Variants in ABI3BP observed in about 807,000 individuals in gnomAD.
ABI3BP encodes the protein ABI family member 3 binding protein.
Under a neutral mutation model 268.6 loss-of-function variants are expected in ABI3BP, and 216 were observed. That is an observed-to-expected ratio of 0.80 (90% CI 0.72 to 0.90). The LOEUF is 0.90. Among genes scored for constraint, ABI3BP ranks in the 40% least tolerant of loss-of-function variants. The probability of loss-of-function intolerance (pLI) is 0.00; values close to 1 mark genes in which losing one functional copy is unlikely to be tolerated. For missense variants in ABI3BP, 2,090 were observed against 2,182.4 expected (o/e 0.96, Z 0.84); for synonymous variants, 730 against 730.0 (o/e 1.00, Z 0.00).
At chr3:100,838,113 A>G (rs73135590) in intron 26 of ABI3BP, 97 bp downstream of exon 26, 115,419 of 1,325,612 alleles carry the variant, frequency 0.087, 5,785 homozygotes, top group East Asian at 0.18. Context: ...TGGTATTTGG[A>G]TTTCTATGAT....
intron 19 of ABI3BP, 97 bp downstream of exon 19, chr3:100,847,505 T>A: frequency 9.6e-7 from 1 of 1,041,902 alleles, no homozygotes; most frequent in Non-Finnish European, 1.5e-6. Context: ...CCGTTTTGAG[T>A]ATCTTAACAG....
chr3:100,968,802 C>T (rs546162204), intron 1 of ABI3BP, among the ~76,000 whole-genome samples: 115 of 152,240 alleles, frequency 7.6e-4, no homozygotes, highest in African/African-American at 2.6e-3. Flanking sequence ...AACCCGTCAT[C>T]TGCATTAAGT....
chr3:100,879,296 CATT>C (rs2099200919), intron 6 of ABI3BP, among the ~76,000 whole-genome samples: 1 of 152,208 alleles, frequency 6.6e-6, no homozygotes, highest in African/African-American at 2.4e-5. Flanking sequence ...AAGAGAGCCA[CATT>C]ATTTTTCTAG....
intron 1 of ABI3BP, among the ~76,000 whole-genome samples, chr3:100,972,334 T>G (rs2084009780): frequency 6.6e-6 from 1 of 152,184 alleles, no homozygotes; most frequent in Non-Finnish European, 1.5e-5. Flanking sequence ...AAAGTACTTT[T>G]AAGATGTGAA....
chr3:100,833,892 C>T (rs570929552), intron 29 of ABI3BP, among the ~76,000 whole-genome samples: 1 of 152,310 alleles, frequency 6.6e-6, no homozygotes, highest in South Asian at 2.1e-4. Context: ...TCCTATCCTT[C>T]CAATGTCACC....
At chr3:100,965,506 CAA>C (rs10576624) in intron 1 of ABI3BP, among the ~76,000 whole-genome samples, 39,318 of 146,594 alleles carry the variant, frequency 0.27, 5,478 homozygotes, top group Middle Eastern at 0.4. Context: ...CTGAATAAAA[CAA>C]AAAAAAAAAA....
Position 100,808,220 on chromosome 3 carries a change from G to C in ABI3BP, c.3623C>G (p.Pro1208Arg). Reference protein sequence around the residue: ...PQTEPAPKQTPRAPPKPKTSP... With the variant: ...PQTEPAPKQTRRAPPKPKTSP... Reference sequence around the variant, plus strand: ...TGTTTTTGGCTTAGGAGGAGCACGTGGTGTCTGCTTGGGAGCTAAAAGAAA... The same window carrying C: ...TGTTTTTGGCTTAGGAGGAGCACGTCGTGTCTGCTTGGGAGCTAAAAGAAA... The change falls in exon 50 of 68, where the codon CCA (proline) becomes CGA (arginine). Residue 1208 changes from proline to arginine, a missense_variant. Physicochemically the swap from Pro to Arg is moderately radical, Grantham distance 103. Coordinates refer to ENST00000471714, the MANE Select transcript of ABI3BP (RefSeq NM_001375547.2). The C allele has an allele frequency of 6.2e-7, 1 of 1,610,524 alleles. No individual in the cohort carries two copies. The highest frequency in any genetic ancestry group is 8.5e-7 in the Non-Finnish European group (1 of 1,177,990).
At chr3:100,860,202 G>A (rs2098982933) in intron 14 of ABI3BP, among the ~76,000 whole-genome samples, 1 of 152,220 alleles carries the variant, frequency 6.6e-6, no homozygotes, top group African/African-American at 2.4e-5. Context: ...CCCGGGTGAT[G>A]CCAAATGCTA....
In ABI3BP at chr3:100,813,721, G is replaced by A. The variant is rs1357985693; in HGVS notation, c.3304C>T (p.Gln1102Ter). The A allele has an allele frequency of 2.0e-6, 3 of 1,535,300 alleles. No individual in the cohort carries two copies. In the East Asian group the frequency reaches 7.3e-5, roughly 38 times the overall value. The change falls in exon 45 of 68, where the codon CAA (glutamine) becomes TAA (stop). Residue 1102 changes from glutamine to a stop codon, truncating the protein, a stop_gained. Coordinates refer to ENST00000471714, the MANE Select transcript of ABI3BP (RefSeq NM_001375547.2). LOFTEE classifies it high-confidence loss of function. ...PGTTFALTEL[Q>*]TLILKPVTSP... The stretch of plus-strand genomic sequence containing the variant: ...GTCACTGGTTTCAAAATAAGAGTTT[G>A]CAGTTCAGTCAGAGCTGAAAGAAGA...
intron 21 of ABI3BP, among the ~76,000 whole-genome samples, chr3:100,841,220 T>TTTG (rs869196971): frequency 1.4e-4 from 17 of 119,532 alleles, no homozygotes; most frequent in South Asian, 2.8e-4. Flanking sequence ...TTTTTTTTTT[T>TTTG]TTTTTTTGCT....
intron 4 of ABI3BP, among the ~76,000 whole-genome samples, chr3:100,890,316 C>T (rs147949624): frequency 6.9e-4 from 105 of 152,240 alleles, no homozygotes; most frequent in African/African-American, 2.5e-3. Flanking sequence ...TCTTGCTTTA[C>T]TGAGACTGTA....
At chr3:100,792,643 A>G in intron 55 of ABI3BP, 48 bp downstream of exon 55, 1 of 1,565,474 alleles carries the variant, frequency 6.4e-7, no homozygotes, top group South Asian at 1.1e-5. Flanking sequence ...TTCCTGATTA[A>G]AAGCAAATAA....
Position 100,842,941 on chromosome 3 carries a change from T to A in ABI3BP, c.1724-902A>T, listed in dbSNP as rs961293769. On this transcript the variant is annotated intron_variant, in intron 20 of 67. Transcript: ENST00000471714. ...ATGTGGCTTTCATAGACCATCTTAATAGAACTGAAGTCATTCTTCTACTTA... is the reference window on the plus strand; with the variant it reads ...ATGTGGCTTTCATAGACCATCTTAAAAGAACTGAAGTCATTCTTCTACTTA... 5.9e-5 allele frequency among the ~76,000 whole-genome samples: 9 copies of A among 152,346 alleles called. No individual in the cohort carries two copies. In the East Asian group the frequency reaches 7.7e-4, roughly 13 times the overall value.
rs972090751 is a variant in ABI3BP, at chr3:100,823,458, C to T, written c.2803G>A (p.Ala935Thr). 2.3e-5 allele frequency: 35 copies of T among 1,533,100 alleles called. No homozygotes were observed. The highest frequency in any genetic ancestry group is 2.9e-5 in the Non-Finnish European group (33 of 1,145,352). 95.0% of individuals were successfully genotyped at this position (1,533,100 alleles called of 1,614,324 possible). ...TLRPEASTTL[A>T]SKTSQRTRRP... The stretch of plus-strand genomic sequence containing the variant: ...GTCGAAAACACTGTATCAACGTTAC[C>T]TAATGTTGTTGAGGCCTCAGGTCTA... The change falls in exon 37 of 68, where the codon GCT becomes ACT. Residue 935 changes from alanine (A) to threonine (T), a missense_variant and splice_region_variant. By Grantham distance (58) the Ala-to-Thr change is moderately conservative (BLOSUM62 0). Coordinates refer to ENST00000471714, the MANE Select transcript of ABI3BP (RefSeq NM_001375547.2).
intron 2 of ABI3BP, among the ~76,000 whole-genome samples, chr3:100,923,317 T>C (rs1361620987): frequency 6.6e-6 from 1 of 152,206 alleles, no homozygotes; most frequent in Non-Finnish European, 1.5e-5. Context: ...CAGAGTGAAG[T>C]CTATTCAATT....
rs2098285569 is a variant in ABI3BP, at chr3:100,823,485, G to C, written c.2776C>G (p.Leu926Val). ...VPATVLEPVT[L>V]RPEASTTLAS... is the part of the protein sequence containing the mutation. ...AATGTTGTTGAGGCCTCAGGTCTAA[G>C]AGTGACAGGTTCTAGGACTGTAGCA... Residue 926 changes from leucine to valine, a missense_variant, in exon 37 of 68, where the codon CTT becomes GTT. Physicochemically the swap from Leu to Val is conservative, Grantham distance 32 (BLOSUM62 1). Coordinates refer to ENST00000471714, the MANE Select transcript of ABI3BP (RefSeq NM_001375547.2). The C allele has an allele frequency of 1.3e-6, 2 of 1,534,956 alleles. No homozygotes were observed. Among genetic ancestry groups the C allele is most frequent in the Non-Finnish European group, 1.7e-6 (2 of 1,146,332 alleles).
intron 1 of ABI3BP, among the ~76,000 whole-genome samples, chr3:100,950,577 G>A (rs1292302287): frequency 1.3e-5 from 2 of 151,634 alleles, no homozygotes; most frequent in Non-Finnish European, 2.9e-5. Flanking sequence ...TCAGACTGAG[G>A]AAAAGTAAAG....
At chr3:100,812,896 T>C (rs964894315) in intron 45 of ABI3BP, among the ~76,000 whole-genome samples, 6 of 152,140 alleles carry the variant, frequency 3.9e-5, no homozygotes, top group South Asian at 4.1e-4. Flanking sequence ...CATTTTTTTT[T>C]CCCCAGACAG....
intron 26 of ABI3BP, 179 bp from the exon 27 acceptor site, chr3:100,837,350 T>C (rs1413565638): frequency 4.3e-6 from 2 of 460,652 alleles, no homozygotes; most frequent in Non-Finnish European, 7.5e-6. Flanking sequence ...TAAAATTTTA[T>C]ACTAATTGGA....
Sources: gnomAD v4.1 joint callset for allele counts (sites outside exome capture counted in the v4.1 genomes callset) on GRCh38, gnomAD v4.1.1 for gene constraint, MANE v1.5 for transcripts, NCBI Gene and HGNC (gene_info 2026-07-23, HGNC 2026-07-21) for gene names.